Variants in SGCD observed in about 807,000 individuals in gnomAD.
The protein encoded by SGCD is sarcoglycan delta.
SGCD carries 18 observed loss-of-function variants against 36.6 expected under a neutral mutation model. The observed-to-expected ratio is 0.49, with a 90% CI of 0.34 to 0.73. The LOEUF (loss-of-function observed/expected upper bound fraction) is 0.73. Among genes scored for constraint, SGCD ranks in the 30% least tolerant of loss-of-function variants. The pLI, the probability that SGCD is intolerant of heterozygous loss-of-function variation, is 0.01. For synonymous variants in SGCD, 133 were observed against 130.6 expected (o/e 1.02, Z -0.12); for missense variants, 387 against 346.7 (o/e 1.12, Z -0.92).
chr5:155,978,662 G>C (rs1184232792), intron 1 of SGCD, among the ~76,000 whole-genome samples: 1 of 152,152 alleles, frequency 6.6e-6, no homozygotes, highest in Non-Finnish European at 1.5e-5. Flanking sequence ...ATCAACTGTG[G>C]CCTTTCATGC....
chr5:156,306,658 T>G (rs1767220398), intron 3 of SGCD, among the ~76,000 whole-genome samples: 1 of 152,218 alleles, frequency 6.6e-6, no homozygotes, highest in East Asian at 1.9e-4. Context: ...CAAGACTATC[T>G]TTTATACCTT....
At chr5:156,562,322 C>T (rs188543176) in intron 4 of SGCD, among the ~76,000 whole-genome samples, 342 of 152,200 alleles carry the variant, frequency 2.2e-3, no homozygotes, top group African/African-American at 8.1e-3. Context: ...CATAATGGGT[C>T]TCTTGAGCAG....
chr5:155,822,255 G>A, the SGCD span, among the ~76,000 whole-genome samples: 4 of 152,098 alleles, frequency 2.6e-5, no homozygotes, highest in East Asian at 1.9e-4. Flanking sequence ...GCACCTTTTC[G>A]TGAGTTTTAA....
At chr5:156,657,593 T>C (rs1763743478) in intron 7 of SGCD, among the ~76,000 whole-genome samples, 2 of 151,570 alleles carry the variant, frequency 1.3e-5, no homozygotes, top group South Asian at 2.1e-4. Flanking sequence ...TGAAACCCCA[T>C]CTCTACTAAA....
At chr5:156,330,756 G>A (rs1206277656) in intron 2 of SGCD, among the ~76,000 whole-genome samples, 1 of 152,178 alleles carries the variant, frequency 6.6e-6, no homozygotes, top group Non-Finnish European at 1.5e-5. Context: ...GGGAGAGGAA[G>A]CACAGCAAGA....
intron 7 of SGCD, among the ~76,000 whole-genome samples, chr5:156,745,156 C>T (rs1315872101): frequency 6.6e-6 from 1 of 152,096 alleles, no homozygotes; most frequent in African/African-American, 2.4e-5. Flanking sequence ...AACTGGGACC[C>T]CCCCAGTTAC....
At chr5:155,851,754 C>T in the SGCD span, among the ~76,000 whole-genome samples, 6 of 152,194 alleles carry the variant, frequency 3.9e-5, no homozygotes, top group African/African-American at 1.2e-4. Context: ...CCTCCTCTTC[C>T]TGTACCACCA....
At chr5:156,132,555 G>A (rs529970017) in intron 3 of SGCD, among the ~76,000 whole-genome samples, 8 of 129,430 alleles carry the variant, frequency 6.2e-5, no homozygotes, top group East Asian at 2.6e-4. Context: ...TGCAAGCTCC[G>A]CCTCTTGGGT....
At chr5:156,388,235 T>C (rs557927272) in intron 3 of SGCD, among the ~76,000 whole-genome samples, 1 of 152,284 alleles carries the variant, frequency 6.6e-6, no homozygotes, top group East Asian at 1.9e-4. Context: ...ATTCAAGAAG[T>C]GAGTGGAAGA....
chr5:156,033,489 A>G (rs1471658215), intron 1 of SGCD, among the ~76,000 whole-genome samples: 1 of 152,132 alleles, frequency 6.6e-6, no homozygotes, highest in Admixed American at 6.6e-5. Context: ...AACATGCAGT[A>G]TTTGACTTTC....
chr5:155,969,164 A>C (rs764612233), intron 1 of SGCD, among the ~76,000 whole-genome samples: 13 of 151,882 alleles, frequency 8.6e-5, no homozygotes, highest in Non-Finnish European at 1.5e-4. Context: ...TTAGATCTCT[A>C]GGGTGCGTGT....
intron 3 of SGCD, among the ~76,000 whole-genome samples, chr5:156,234,723 A>G (rs1765111703): frequency 6.6e-6 from 1 of 152,158 alleles, no homozygotes; most frequent in South Asian, 2.1e-4. Context: ...AAAACTTAAA[A>G]GAACTTATAA....
chr5:156,594,423 G>A (rs1236852967), intron 5 of SGCD, among the ~76,000 whole-genome samples: 1 of 152,144 alleles, frequency 6.6e-6, no homozygotes, highest in Non-Finnish European at 1.5e-5. Flanking sequence ...GAAATGATCT[G>A]TATACTAAGG....
chr5:156,215,786 A>G (rs1270816702), intron 3 of SGCD, among the ~76,000 whole-genome samples: 1 of 152,144 alleles, frequency 6.6e-6, no homozygotes, highest in African/African-American at 2.4e-5. Context: ...TCCAAATTAA[A>G]AAATAGATCT....
At chr5:156,071,607 G>C (rs1760564988) in intron 1 of SGCD, among the ~76,000 whole-genome samples, 1 of 152,162 alleles carries the variant, frequency 6.6e-6, no homozygotes, top group African/African-American at 2.4e-5. Flanking sequence ...TGTATATTCT[G>C]TTGATTTGGG....
chr5:156,404,844 G>A (rs970782632), intron 3 of SGCD, among the ~76,000 whole-genome samples: 5 of 152,220 alleles, frequency 3.3e-5, no homozygotes, highest in South Asian at 2.1e-4. Flanking sequence ...CTAAGATGGC[G>A]GTCAAGATCC....
the SGCD span, among the ~76,000 whole-genome samples, chr5:155,857,766 C>T: frequency 2.0e-5 from 3 of 151,848 alleles, no homozygotes; most frequent in African/African-American, 7.3e-5. Flanking sequence ...TTTTGGTTGT[C>T]CTTTTAGTGT....
chr5:156,049,085 C>CT (rs1759849362), intron 1 of SGCD, among the ~76,000 whole-genome samples: 1 of 146,228 alleles, frequency 6.8e-6, no homozygotes, highest in African/African-American at 2.5e-5. Context: ...ATAGGGAATC[C>CT]TTTTCCCATT....
chr5:156,101,819 G>C (rs1054643582), intron 1 of SGCD, among the ~76,000 whole-genome samples: 1 of 151,914 alleles, frequency 6.6e-6, no homozygotes, highest in Non-Finnish European at 1.5e-5. Context: ...GAAAATCTTA[G>C]AGTGGAATCA....
Sources: allele counts gnomAD v4.1 joint callset (sites outside exome capture counted in the v4.1 genomes callset), GRCh38; gene constraint gnomAD v4.1.1; transcripts MANE v1.5; gene names NCBI Gene and HGNC (gene_info 2026-07-23, HGNC 2026-07-21).